The following ADAMTS4 variants were observed in gnomAD, a reference collection of about 807,000 sequenced individuals.
The protein encoded by ADAMTS4 is A disintegrin and metalloproteinase with thrombospondin motifs 4.
Under a neutral mutation model 66.7 loss-of-function variants are expected in ADAMTS4, and 38 were observed. The ratio of observed to expected loss-of-function variants is 0.57; its 90% CI spans 0.44 to 0.75. The LOEUF (loss-of-function observed/expected upper bound fraction) is 0.75. Ranked by LOEUF, ADAMTS4 falls within the 30% of genes least tolerant of loss-of-function variation. ADAMTS4 has a pLI of 0.00. For synonymous variants in ADAMTS4, 418 were observed against 461.5 expected, an observed-to-expected ratio of 0.91 and a Z score of 1.21; for missense variants, 1,014 against 1,116.7, an observed-to-expected ratio of 0.91 and a Z score of 1.31.
In ADAMTS4 at chr1:161,193,166, G is replaced by C. The variant is rs768142291; in HGVS notation, c.1911+47C>G. 2.5e-6 allele frequency: 4 copies of C among 1,568,740 alleles called. No homozygotes were observed. Among genetic ancestry groups the C allele is most frequent in the Non-Finnish European group, 3.5e-6 (4 of 1,152,946 alleles). ...TATCAGAAAGCAGAGGGAGCACTGCGGGTGTGTGTGACCATAGACAGGGCC... is the reference window on the plus strand; with the variant it reads ...TATCAGAAAGCAGAGGGAGCACTGCCGGTGTGTGTGACCATAGACAGGGCC... On this transcript the variant is annotated intron_variant, in intron 7 of 8. Transcript: ENST00000367996. This position sits in a 1 kb window ranked among gnomAD's most constrained non-coding sequence, Gnocchi z 4.4.
At chr1:161,196,127 C>G (rs751090820) in intron 3 of ADAMTS4, 44 bp downstream of exon 3, 4 of 1,528,532 alleles carry the variant, frequency 2.6e-6, no homozygotes, top group African/African-American at 1.4e-5. Context: ...CCCCCTCCCC[C>G]ACCTTCTCCT....
rs376630100 is a variant in ADAMTS4, at chr1:161,192,126, T to C, written c.2026A>G (p.Met676Val). Reference protein sequence around the residue: ...IGSKKKFDKCMVCGGDGSGCS... With the variant: ...IGSKKKFDKCVVCGGDGSGCS... ...CCAGAACCGTCCCCTCCGCACACCA[T>C]GCACTTGTCAAACTTCTTCTTGGAG... is the stretch of plus-strand genomic sequence containing the variant. Residue 676 changes from methionine (M) to valine (V), a missense_variant, in exon 8 of 9, where the codon ATG becomes GTG. Transcript: ENST00000367996. 132 of 1,613,948 alleles carry C rather than the reference T, an allele frequency of 8.2e-5. No homozygotes were observed. Among genetic ancestry groups the C allele is most frequent in the Non-Finnish European group, 9.7e-5 (114 of 1,180,032 alleles).
chr1:161,198,269 C>G lies in ADAMTS4; in HGVS notation c.359G>C (p.Gly120Ala). 2.5e-6 allele frequency: 4 copies of G among 1,613,996 alleles called. No individual in the cohort carries two copies. The highest frequency in any genetic ancestry group is 3.4e-6 in the Non-Finnish European group (4 of 1,180,022). ...CAGGTAGGTGCCAGGCTCTGCTCCACCCAGCAGCTCAGGCGCCTGGCCCAG... is the reference window on the plus strand; with the variant it reads ...CAGGTAGGTGCCAGGCTCTGCTCCAGCCAGCAGCTCAGGCGCCTGGCCCAG... ...QYLGQAPELL[G>A]GAEPGTYLTG... is the part of the protein sequence containing the mutation. Residue 120 changes from glycine (G) to alanine (A), a missense_variant, in exon 1 of 9, where the codon GGT becomes GCT. Coordinates refer to ENST00000367996, the MANE Select transcript of ADAMTS4 (RefSeq NM_005099.6). This position sits in a 1 kb window ranked among gnomAD's most constrained non-coding sequence, Gnocchi z 4.7.
At chr1:161,195,430 T>C in intron 4 of ADAMTS4, 35 bp downstream of exon 4, 2 of 1,566,582 alleles carry the variant, frequency 1.3e-6, no homozygotes, top group Non-Finnish European at 1.7e-6. Flanking sequence ...AGGAATTGAG[T>C]GCTACCCAGG....
In ADAMTS4 at chr1:161,196,229, G is replaced by A. The variant is rs748299196; in HGVS notation, c.1032C>T (p.Ser344=). 1.7e-5 allele frequency: 28 copies of A among 1,613,372 alleles called. No homozygotes were observed. Among genetic ancestry groups the A allele is most frequent in the African/African-American group, 2.7e-5 (2 of 74,754 alleles). ...DVGTVCDPAR[S]CAIVEDDGLQ... ...GCCCATCATCCTCCACAATGGCACA[G>A]CTCCGAGCCGGGTCACAGACGGTGC... The change falls in exon 3 of 9, where the codon AGC becomes AGT. Residue 344 remains serine, a synonymous_variant. Coordinates refer to ENST00000367996, the MANE Select transcript of ADAMTS4 (RefSeq NM_005099.6).
intron 1 of ADAMTS4, 109 bp downstream of exon 1, chr1:161,197,886 G>A (rs562279415): frequency 6.8e-7 from 1 of 1,464,370 alleles, no homozygotes. Flanking sequence ...CAGAAGGGAG[G>A]GAAGCAGAAC....
rs1048712526 is a variant in ADAMTS4, at chr1:161,194,457, A to G, written c.1262-236T>C. On this transcript the variant is annotated intron_variant, in intron 4 of 8. Coordinates refer to ENST00000367996, the MANE Select transcript of ADAMTS4 (RefSeq NM_005099.6). This position sits in a 1 kb window ranked among gnomAD's most constrained non-coding sequence, Gnocchi z 4.1. ...CAGGCTGCAGTACAGTGGCATGATC[A>G]TGGCTCACTACAGCCTCAAACTTCT... 1.3e-5 allele frequency among the ~76,000 whole-genome samples: 2 copies of G among 151,126 alleles called. No homozygotes were observed. The highest frequency in any genetic ancestry group is 2.9e-5 in the Non-Finnish European group (2 of 67,876).
Position 161,191,080 on chromosome 1 carries a change from T to C in ADAMTS4, c.*58A>G. ...ATGAGGCAGCAACAGAAGCTCTCTC[T>C]TTCTCCCAGCTAAGTCCGAGGCCCC... On this transcript the variant is annotated 3_prime_UTR_variant, in exon 9 of 9. Coordinates refer to ENST00000367996, the MANE Select transcript of ADAMTS4 (RefSeq NM_005099.6). 3 of 1,497,266 alleles carry C rather than the reference T, an allele frequency of 2.0e-6. No homozygotes were observed. The highest frequency in any genetic ancestry group is 2.7e-6 in the Non-Finnish European group (3 of 1,124,746). 92.7% of individuals were successfully genotyped at this position (1,497,266 alleles called of 1,614,324 possible).
chr1:161,191,957 C>T (rs1249787580), intron 8 of ADAMTS4, 108 bp downstream of exon 8: 7 of 1,326,826 alleles, frequency 5.3e-6, no homozygotes, highest in Non-Finnish European at 7.4e-6. Context: ...GTCTATCTCC[C>T]GCTAGACTGT....
Position 161,196,795 on chromosome 1 carries a change from C to T in ADAMTS4, c.719G>A (p.Arg240His), listed in dbSNP as rs370146818. 5.3e-5 allele frequency: 85 copies of T among 1,612,180 alleles called. No individual in the cohort carries two copies. Among genetic ancestry groups the T allele is most frequent in the African/African-American group, 6.7e-5 (5 of 74,948 alleles). ...MAAFHGAGLK[R>H]YLLTVMAAAA... ...TGCTGCCATCACTGTTAGCAGGTAG[C>T]GCTTTAGCCCCGCACCGTGGAATGC... The change falls in exon 2 of 9, where the codon CGC (arginine) becomes CAC (histidine). Residue 240 changes from arginine (R) to histidine (H), a missense_variant. Physicochemically the swap from Arg to His is conservative, Grantham distance 29. Transcript: ENST00000367996.
At position 161,198,453 on chromosome 1, in the gene ADAMTS4, C is replaced by G; in HGVS notation, c.175G>C (p.Glu59Gln). 3 of 1,575,632 alleles carry G rather than the reference C, an allele frequency of 1.9e-6. No homozygotes were observed. The highest frequency in any genetic ancestry group is 2.6e-6 in the Non-Finnish European group (3 of 1,161,092). Residue 59 changes from glutamate (E) to glutamine (Q), a missense_variant, in exon 1 of 9, where the codon GAG (glutamate) becomes CAG (glutamine). Coordinates refer to ENST00000367996, the MANE Select transcript of ADAMTS4 (RefSeq NM_005099.6). The surrounding 1 kb of genome is among the most constrained non-coding windows in gnomAD (Gnocchi z 4.7). ...AGCTTCTCTGGAAACACGATCTCCT[C>G]CTCCCGGGGGAGGGGGCTGGCCAGC... ...ARLASPLPRE[E>Q]EIVFPEKLNG...
rs1664651600 is a variant in ADAMTS4, at chr1:161,190,817, G to T, written c.*321C>A. ...TCCCCTTCCCTGGTGCTAAATAAAAGTGAATAAATACTAAATAAATACAAC... is the reference window on the plus strand; with the variant it reads ...TCCCCTTCCCTGGTGCTAAATAAAATTGAATAAATACTAAATAAATACAAC... On this transcript the variant is annotated 3_prime_UTR_variant, in exon 9 of 9. Coordinates refer to ENST00000367996, the MANE Select transcript of ADAMTS4 (RefSeq NM_005099.6). 3.9e-6 allele frequency: 1 copy of T among 257,284 alleles called. No individual in the cohort carries two copies. Among genetic ancestry groups the T allele is most frequent in the Non-Finnish European group, 7.5e-6 (1 of 132,668 alleles). The allele number at this position is 257,284 out of a possible 1,614,324, so 15.9% of individuals were successfully genotyped here. A position where few individuals can be genotyped will look rare whatever the true frequency, so the allele number is the denominator to read the frequency against.
In ADAMTS4 at chr1:161,196,695, C is replaced by A; in HGVS notation, c.819G>T (p.Gly273=). Residue 273 remains glycine (G), a synonymous_variant, in exon 2 of 9, where the codon GGG becomes GGT. Transcript: ENST00000367996. ...CCACTTGGGGCCCCTCCTCGCCTGA[C>A]CCCAGGATCACTAGCCGAGTCACCA... ...SLVVTRLVIL[G]SGEEGPQVGP... The A allele has an allele frequency of 6.2e-7, 1 of 1,614,024 alleles. No homozygotes were observed. The highest frequency in any genetic ancestry group is 8.5e-7 in the Non-Finnish European group (1 of 1,180,016).
intron 2 of ADAMTS4, 33 bp downstream of exon 2, chr1:161,196,524 G>A (rs1168935057): frequency 6.2e-6 from 10 of 1,606,158 alleles, no homozygotes; most frequent in South Asian, 4.4e-5. Context: ...GAATTGTGCA[G>A]TGCATGGCCT....
At position 161,196,561 on chromosome 1, in the gene ADAMTS4, C is replaced by T. The variant is rs751899095; in HGVS notation, c.953G>A (p.Arg318His). The T allele has an allele frequency of 7.4e-6, 12 of 1,613,952 alleles. No individual in the cohort carries two copies. Among genetic ancestry groups the T allele is most frequent in the East Asian group, 4.5e-5 (2 of 44,890 alleles). ...DHFDTAILFT[R>H]QDLCGVSTCD... ...CGGTGCTGACTGGGGCCTCACCTGA[C>T]GGGTAAACAGAATGGCTGTGTCAAA... The change falls in exon 2 of 9, where the codon CGT becomes CAT. Residue 318 changes from arginine (R) to histidine (H), a missense_variant. By Grantham distance (29) the Arg-to-His change is conservative. Transcript: ENST00000367996.
chr1:161,192,102 C>G lies in ADAMTS4; in HGVS notation c.2050G>C (p.Gly684Arg). The G allele has an allele frequency of 6.2e-7, 1 of 1,614,064 alleles. No individual in the cohort carries two copies. Among genetic ancestry groups the G allele is most frequent in the Non-Finnish European group, 8.5e-7 (1 of 1,180,012 alleles). Residue 684 changes from glycine (G) to arginine (R), a missense_variant, in exon 8 of 9, where the codon GGT (glycine) becomes CGT (arginine). Coordinates refer to ENST00000367996, the MANE Select transcript of ADAMTS4 (RefSeq NM_005099.6). ...AAGGAGCCTGACTGCTTGCTGCAAC[C>G]AGAACCGTCCCCTCCGCACACCATG... ...KCMVCGGDGS[G>R]CSKQSGSFRK...
chr1:161,190,867 C>T lies in ADAMTS4; in HGVS notation c.*271G>A, dbSNP rs920441926. ...CTGGGGCCCAGGCCCTCCCTGCCTT[C>T]CCCCTCCCTCCTGTGACCCGCAGGG... On this transcript the variant is annotated 3_prime_UTR_variant, in exon 9 of 9. Transcript: ENST00000367996. The T allele has an allele frequency of 6.7e-5, 26 of 390,188 alleles. No individual in the cohort carries two copies. Among genetic ancestry groups the T allele is most frequent in the African/African-American group, 1.0e-4 (5 of 49,752 alleles). The allele number at this position is 390,188 out of a possible 1,614,324, so 24.2% of individuals were successfully genotyped here.
At position 161,190,521 on chromosome 1, in the gene ADAMTS4, A is replaced by AAAAG. The variant is rs1350185832; in HGVS notation, c.*613_*616dup. ...GAGCGAGATTCTGTCTCAAAAAAAAAAAAGAAAGAAAGAAAGAAAAAAAAA... is the reference window on the plus strand; with the variant it reads ...GAGCGAGATTCTGTCTCAAAAAAAAAAAAGAAAGAAAGAAAGAAAGAAAAAAAAA... On this transcript the variant is annotated 3_prime_UTR_variant, in exon 9 of 9. Coordinates refer to ENST00000367996, the MANE Select transcript of ADAMTS4 (RefSeq NM_005099.6). 8 of 150,232 alleles carry AAAAG rather than the reference A, an allele frequency of 5.3e-5. No individual in the cohort carries two copies. The South Asian group carries it at 6.3e-4, about 12-fold the overall frequency. 9.3% of individuals were successfully genotyped at this position (150,232 alleles called of 1,614,324 possible).
Position 161,188,752 on chromosome 1 carries a change from C to T in ADAMTS4, c.*2386G>A, listed in dbSNP as rs1664593381. 1 of 150,558 alleles carries T rather than the reference C, an allele frequency of 6.6e-6. No homozygotes were observed. The highest frequency in any genetic ancestry group is 2.4e-5 in the African/African-American group (1 of 40,900). 9.3% of individuals were successfully genotyped at this position (150,558 alleles called of 1,614,324 possible). A position where few individuals can be genotyped will look rare whatever the true frequency, so the allele number is the denominator to read the frequency against. On this transcript the variant is annotated 3_prime_UTR_variant, in exon 9 of 9. Coordinates refer to ENST00000367996, the MANE Select transcript of ADAMTS4 (RefSeq NM_005099.6). ...TTTTTGTATCGAGACGAGTCTCACT[C>T]TGTCTCCCAGGCTGGAGTGCAGTGG...
Sources: allele counts gnomAD v4.1 joint callset (sites outside exome capture counted in the v4.1 genomes callset), GRCh38; gene constraint gnomAD v4.1.1; non-coding constraint Gnocchi (gnomAD v3.1); transcripts MANE v1.5; gene names NCBI Gene and HGNC (gene_info 2026-07-23, HGNC 2026-07-21).